LNX2: variants seen among roughly 807,000 people sequenced by gnomAD.
LNX2 encodes the protein ligand of numb-protein X 2, also known as ligand of Numb protein X 2.
A neutral mutation model predicts 66.2 loss-of-function variants in LNX2; 35 were observed. That is an observed-to-expected ratio of 0.53 (90% confidence interval 0.40 to 0.70). The LOEUF (loss-of-function observed/expected upper bound fraction) is 0.70. Among genes scored for constraint, LNX2 ranks in the 30% least tolerant of loss-of-function variants. The probability of loss-of-function intolerance (pLI) is 0.00; values close to 1 mark genes in which losing one functional copy is unlikely to be tolerated. For missense variants in LNX2, 791 were observed against 850.8 expected (o/e 0.93, Z 0.87); for synonymous variants, 337 against 315.6 (o/e 1.07, Z -0.72).
At chr13:27,600,314 A>T (rs35748862) in intron 1 of LNX2, among the ~76,000 whole-genome samples, 14,909 of 152,194 alleles carry the variant, frequency 0.098, 1,012 homozygotes, top group Non-Finnish European at 0.14. Context: ...CACATTTCAA[A>T]CCCAATGCCA....
At chr13:27,559,166 C>T (rs1955098834) in intron 6 of LNX2, among the ~76,000 whole-genome samples, 1 of 151,942 alleles carries the variant, frequency 6.6e-6, no homozygotes, top group Non-Finnish European at 1.5e-5. Flanking sequence ...GATTTTTGGA[C>T]TGAAAGTGAG....
intron 1 of LNX2, among the ~76,000 whole-genome samples, chr13:27,583,169 A>AGTGT (rs763165039): frequency 2.3e-4 from 10 of 44,112 alleles, no homozygotes; most frequent in Admixed American, 1.1e-3. Flanking sequence ...TCAGAGCAGC[A>AGTGT]GTGTGTGTGT....
Position 27,559,899 on chromosome 13 carries a change from G to C in LNX2, c.1311C>G (p.Ser437Arg), listed in dbSNP as rs1566116751. The C allele has an allele frequency of 3.1e-6, 5 of 1,611,190 alleles. No individual in the cohort carries two copies. In the Admixed American group the frequency reaches 8.3e-5, roughly 27 times the overall value. ...GNTIREAGNH[S>R]SSSQHHTPPP... ...GTGGTGTGTGGTGCTGGCTGCTGCTGCTATGATTTCCTGCTTCTCTAATGG... is the reference window on the plus strand; with the variant it reads ...GTGGTGTGTGGTGCTGGCTGCTGCTCCTATGATTTCCTGCTTCTCTAATGG... The change falls in exon 6 of 10, where the codon AGC becomes AGG. Residue 437 changes from serine (S) to arginine (R), a missense_variant. Transcript: ENST00000316334.
chr13:27,566,235 A>T (rs1955204278), intron 4 of LNX2, among the ~76,000 whole-genome samples: 1 of 152,208 alleles, frequency 6.6e-6, no homozygotes, highest in African/African-American at 2.4e-5. Flanking sequence ...GCTGAACAAA[A>T]GCTTTAAGGA....
chr13:27,616,604 T>G (rs568999416), intron 1 of LNX2, among the ~76,000 whole-genome samples: 149 of 152,310 alleles, frequency 9.8e-4, no homozygotes, highest in African/African-American at 3.5e-3. Flanking sequence ...GTTTAAGTAC[T>G]TAGGGATTCT....
At chr13:27,599,526 G>A (rs776510001) in intron 1 of LNX2, among the ~76,000 whole-genome samples, 10 of 152,076 alleles carry the variant, frequency 6.6e-5, no homozygotes, top group Non-Finnish European at 1.3e-4. Flanking sequence ...TACGATTCCC[G>A]TAAAAGAAAT....
intron 1 of LNX2, among the ~76,000 whole-genome samples, chr13:27,586,189 AT>A (rs1454178118): frequency 6.6e-6 from 1 of 151,922 alleles, no homozygotes; most frequent in Non-Finnish European, 1.5e-5. Context: ...AGTGCTATCT[AT>A]TATTAAAAAT....
At chr13:27,576,603 G>C (rs899698086) in intron 2 of LNX2, among the ~76,000 whole-genome samples, 13 of 151,786 alleles carry the variant, frequency 8.6e-5, no homozygotes, top group South Asian at 4.1e-4. Context: ...GAGTGCGCCT[G>C]TAGTCCCAGC....
chr13:27,617,620 T>C (rs578245911), intron 1 of LNX2, among the ~76,000 whole-genome samples: 1 of 152,340 alleles, frequency 6.6e-6, no homozygotes, highest in East Asian at 1.9e-4. Context: ...ACTTCTGATA[T>C]CGCTCCACTG....
At chr13:27,591,794 G>A (rs1955548770) in intron 1 of LNX2, among the ~76,000 whole-genome samples, 1 of 152,198 alleles carries the variant, frequency 6.6e-6, no homozygotes, top group Non-Finnish European at 1.5e-5. Context: ...AAGTTTTACA[G>A]AGCAAAGGAA....
chr13:27,564,628 T>A (rs1018866886), intron 4 of LNX2, among the ~76,000 whole-genome samples: 1 of 152,142 alleles, frequency 6.6e-6, no homozygotes, highest in Non-Finnish European at 1.5e-5. Context: ...TTTAATAACA[T>A]TTGTATATGT....
At chr13:27,577,752 C>A (rs1232489359) in intron 2 of LNX2, among the ~76,000 whole-genome samples, 1 of 152,074 alleles carries the variant, frequency 6.6e-6, no homozygotes, top group Non-Finnish European at 1.5e-5. Context: ...CTGAACCTTG[C>A]CATAAACTAG....
intron 1 of LNX2, among the ~76,000 whole-genome samples, chr13:27,582,508 T>A (rs1955411358): frequency 6.6e-6 from 1 of 152,230 alleles, no homozygotes; most frequent in Admixed American, 6.5e-5. Context: ...GTTTGAGGTA[T>A]ATAATACATT....
Position 27,559,836 on chromosome 13 carries a change from C to T in LNX2, c.1368+6G>A, listed in dbSNP as rs1478021312. 3 of 1,497,070 alleles carry T rather than the reference C, an allele frequency of 2.0e-6. No homozygotes were observed. Among genetic ancestry groups the T allele is most frequent in the Non-Finnish European group, 2.7e-6 (3 of 1,119,564 alleles). 92.7% of individuals were successfully genotyped at this position (1,497,070 alleles called of 1,614,324 possible). ...TGGTGGCATAAAAAAAAAAAAAAAT[C>T]CTCACCTTATGTGAGCTTGGTCTGC... On this transcript the variant is annotated splice_donor_region_variant and intron_variant, in intron 6 of 9. Coordinates refer to ENST00000316334, the MANE Select transcript of LNX2 (RefSeq NM_153371.4).
chr13:27,570,005 C>T (rs112031556), intron 2 of LNX2, among the ~76,000 whole-genome samples: 8 of 151,954 alleles, frequency 5.3e-5, no homozygotes, highest in African/African-American at 1.5e-4. Context: ...TAAAAGGAGC[C>T]GATGGATGCT....
At chr13:27,563,230 T>G (rs1955160898) in intron 4 of LNX2, among the ~76,000 whole-genome samples, 1 of 152,206 alleles carries the variant, frequency 6.6e-6, no homozygotes, top group East Asian at 1.9e-4. Flanking sequence ...TTTACTAGAT[T>G]ACAAATTTGC....
intron 1 of LNX2, among the ~76,000 whole-genome samples, chr13:27,593,480 T>C (rs903531508): frequency 2.0e-5 from 3 of 151,844 alleles, no homozygotes; most frequent in African/African-American, 4.8e-5. Flanking sequence ...CTAAACCTAA[T>C]GCCAGTCTCA....
rs1227667311 is a variant in LNX2, at chr13:27,583,255, TGCGCGC to T, written c.-100-1458_-100-1453del. On this transcript the variant is annotated intron_variant, in intron 1 of 9. Transcript: ENST00000316334. ...GTGTGTGTGTGTGTGTGTGTGTGTGTGCGCGCGTCCTCTCCAACATACTTATTTTTA... is the reference window on the plus strand; with the variant it reads ...GTGTGTGTGTGTGTGTGTGTGTGTGTGTCCTCTCCAACATACTTATTTTTA... Among the ~76,000 whole-genome samples, 16 of 58,530 alleles carry T rather than the reference TGCGCGC, an allele frequency of 2.7e-4. 5 individuals carry two copies. Among genetic ancestry groups the T allele is most frequent in the Non-Finnish European group, 3.5e-4 (11 of 31,258 alleles). The allele number at this position is 58,530 out of a possible 152,430, so 38.4% of individuals were successfully genotyped here. A position where few individuals can be genotyped will look rare whatever the true frequency, so the allele number is the denominator to read the frequency against.
chr13:27,561,850 T>C (rs1215975900), intron 5 of LNX2, among the ~76,000 whole-genome samples: 1 of 152,282 alleles, frequency 6.6e-6, no homozygotes, highest in Non-Finnish European at 1.5e-5. Flanking sequence ...TCCATCTTCA[T>C]GCTTTTATGA....
Sources: allele counts gnomAD v4.1 joint callset (sites outside exome capture counted in the v4.1 genomes callset), GRCh38; gene constraint gnomAD v4.1.1; transcripts MANE v1.5; gene names NCBI Gene and HGNC (gene_info 2026-07-23, HGNC 2026-07-21).